The following VPS13A variants were observed in gnomAD, a reference collection of about 807,000 sequenced individuals.
VPS13A encodes the protein vacuolar protein sorting 13 homolog A, also known as intermembrane lipid transfer protein VPS13A.
A neutral mutation model predicts 390.9 loss-of-function variants in VPS13A; 264 were observed. The ratio of observed to expected loss-of-function variants is 0.68; its 90% CI spans 0.61 to 0.75. VPS13A has a LOEUF of 0.75. Ranked by LOEUF, VPS13A falls within the 30% of genes least tolerant of loss-of-function variation. The pLI is 0.00. For synonymous variants in VPS13A, 1,231 were observed against 1,227.1 expected (o/e 1.00, Z -0.07); for missense variants, 3,409 against 3,733.9 (o/e 0.91, Z 2.27).
chr9:77,342,969 G>A (rs570992275), intron 50 of VPS13A, among the ~76,000 whole-genome samples: 1 of 152,254 alleles, frequency 6.6e-6, no homozygotes, highest in East Asian at 1.9e-4. Flanking sequence ...CAAAGCGGAG[G>A]AGCTAGGAAT....
intron 31 of VPS13A, among the ~76,000 whole-genome samples, chr9:77,292,763 T>C (rs1827753877): frequency 6.6e-6 from 1 of 152,208 alleles, no homozygotes; most frequent in African/African-American, 2.4e-5. Context: ...CATCTCCTGT[T>C]GTCGCCACCA....
chr9:77,185,933 C>G (rs1364696362), intron 1 of VPS13A, among the ~76,000 whole-genome samples: 2 of 152,108 alleles, frequency 1.3e-5, no homozygotes, highest in Non-Finnish European at 2.9e-5. Flanking sequence ...ACGAGACCTG[C>G]CTGGTCAACA....
At chr9:77,293,647 C>T in intron 32 of VPS13A, 139 bp downstream of exon 32, 5 of 422,538 alleles carry the variant, frequency 1.2e-5, no homozygotes, top group Non-Finnish European at 2.0e-5. Context: ...ATTTATTATA[C>T]ATAATAAATG....
intron 52 of VPS13A, among the ~76,000 whole-genome samples, chr9:77,346,415 T>G (rs999262658): frequency 6.6e-6 from 1 of 152,198 alleles, no homozygotes; most frequent in Non-Finnish European, 1.5e-5. Context: ...CCTTACAGAT[T>G]CTGGATATTA....
At chr9:77,252,120 C>T in intron 21 of VPS13A, 115 bp from the exon 22 acceptor site, 1 of 840,226 alleles carries the variant, frequency 1.2e-6, no homozygotes. Context: ...TTAAGATTAC[C>T]TAGATGTGGG....
At chr9:77,209,282 T>C (rs1417380008) in intron 5 of VPS13A, 141 bp from the exon 6 acceptor site, 5 of 639,188 alleles carry the variant, frequency 7.8e-6, no homozygotes, top group Non-Finnish European at 1.4e-5. Context: ...TGAAAGACTT[T>C]TGGAAAGCAA....
rs575288835 is a variant in VPS13A at position 77,205,911 on chromosome 9, A to AT, written c.284-60dup. On this transcript the variant is annotated intron_variant, in intron 4 of 71. Coordinates refer to ENST00000360280, the MANE Select transcript of VPS13A (RefSeq NM_033305.3). ...GGCCAATTAATGATTATTTGTAAGG[A>AT]TTTTTTTGGAATGACTATATTTAAA... is the stretch of plus-strand genomic sequence containing the variant. The AT allele has an allele frequency of 2.1e-4, 264 of 1,249,838 alleles. 1 individual carries two copies. The East Asian group carries it at 6.1e-3, about 29-fold the overall frequency. 77.4% of individuals were successfully genotyped at this position (1,249,838 alleles called of 1,614,324 possible). A position where few individuals can be genotyped will look rare whatever the true frequency, so the allele number is the denominator to read the frequency against.
At chr9:77,224,766 G>A (rs1450308321) in intron 13 of VPS13A, among the ~76,000 whole-genome samples, 1 of 152,222 alleles carries the variant, frequency 6.6e-6, no homozygotes, top group African/African-American at 2.4e-5. Context: ...ACTGCTGTTT[G>A]AGAGGATTGA....
intron 45 of VPS13A, among the ~76,000 whole-genome samples, chr9:77,324,026 A>G (rs1051563805): frequency 1.3e-5 from 2 of 151,782 alleles, no homozygotes; most frequent in Non-Finnish European, 2.9e-5. Flanking sequence ...GGTCCTTCTC[A>G]TTTTTATATA....
intron 19 of VPS13A, among the ~76,000 whole-genome samples, chr9:77,240,706 G>A (rs1056316370): frequency 6.6e-6 from 1 of 151,308 alleles, no homozygotes; most frequent in Admixed American, 6.6e-5. Flanking sequence ...TCGAACTTCT[G>A]TCCTCAGGTG....
In VPS13A at chr9:77,228,163, T is replaced by C; in HGVS notation, c.1494T>C (p.Ser498=). Residue 498 remains serine, a synonymous_variant, in exon 17 of 72, where the codon TCT becomes TCC. Coordinates refer to ENST00000360280, the MANE Select transcript of VPS13A (RefSeq NM_033305.3). ...TTTTTGTCCACTTGAAAAGTATGTC[T>C]ATTGTTCTAAGAGAAAATCATCAAA... ...LKFFVHLKSM[S]IVLRENHQKP... 6.2e-7 allele frequency: 1 copy of C among 1,604,748 alleles called. No individual in the cohort carries two copies. The highest frequency in any genetic ancestry group is 8.5e-7 in the Non-Finnish European group (1 of 1,175,380).
chr9:77,340,492 A>G lies in VPS13A; in HGVS notation c.6968A>G (p.Tyr2323Cys). Residue 2323 changes from tyrosine to cysteine, a missense_variant, in exon 50 of 72, where the codon TAC (tyrosine) becomes TGC (cysteine). Tyr to Cys is a radical substitution (Grantham distance 194). This residue lies in a region of VPS13A where 2,717 missense variants were observed against 2,917.4 expected (regional missense o/e 0.93). Transcript: ENST00000360280. The stretch of plus-strand genomic sequence containing the variant: ...TATATGATTAAAAACAAAAGCAAAT[A>G]CCATATATCAGTGGCTGAAGAAGGA... Reference protein sequence around the residue: ...PFYMIKNKSKYHISVAEEGND... With the variant: ...PFYMIKNKSKCHISVAEEGND... 6.2e-7 allele frequency: 1 copy of G among 1,613,416 alleles called. No individual in the cohort carries two copies. The highest frequency in any genetic ancestry group is 1.1e-5 in the South Asian group (1 of 91,056).
At chr9:77,305,289 G>C (rs890927578) in intron 34 of VPS13A, among the ~76,000 whole-genome samples, 1 of 152,100 alleles carries the variant, frequency 6.6e-6, no homozygotes, top group Non-Finnish European at 1.5e-5. Context: ...AAACATGATG[G>C]CATTATGAAA....
chr9:77,385,109 A>G (rs1238141234), intron 68 of VPS13A: 1 of 981,492 alleles, frequency 1.0e-6, no homozygotes. Context: ...AAATAGTAAT[A>G]GCCATTTAAT....
intron 45 of VPS13A, among the ~76,000 whole-genome samples, chr9:77,330,643 A>C (rs1418483540): frequency 6.6e-6 from 1 of 152,210 alleles, no homozygotes; most frequent in Non-Finnish European, 1.5e-5. Context: ...GAAAACTTGC[A>C]GTTAATGTCT....
chr9:77,366,643 T>A (rs756595000), intron 60 of VPS13A, 84 bp from the exon 61 acceptor site: 1 of 1,252,562 alleles, frequency 8.0e-7, no homozygotes, highest in Non-Finnish European at 1.1e-6. Context: ...GTGTAGTGAA[T>A]TTAAAATTAA....
intron 54 of VPS13A, 73 bp downstream of exon 54, chr9:77,353,714 C>T: frequency 7.3e-7 from 1 of 1,373,490 alleles, no homozygotes; most frequent in Non-Finnish European, 1.0e-6. Flanking sequence ...ATTGTAAAAT[C>T]TCAAATGATT....
intron 68 of VPS13A, chr9:77,384,490 C>T (rs1444360254): frequency 2.6e-6 from 4 of 1,553,160 alleles, no homozygotes; most frequent in African/African-American, 2.7e-5. Flanking sequence ...AAATTATTCT[C>T]ACTCTTTGAA....
At position 77,382,313 on chromosome 9, in the gene VPS13A, G is replaced by T; in HGVS notation, c.9189+226G>T. On this transcript the variant is annotated intron_variant, in intron 68 of 71. Coordinates refer to ENST00000360280, the MANE Select transcript of VPS13A (RefSeq NM_033305.3). ...AGTTTGATATGAAAAGTTAATGCAT[G>T]ACTTTGCAAGTGAAAGCCAACAGTA... The T allele has an allele frequency of 1.9e-6, 3 of 1,541,116 alleles. No individual in the cohort carries two copies. The South Asian group carries it at 3.9e-5, about 20-fold the overall frequency.
Sources: allele counts gnomAD v4.1 joint callset (sites outside exome capture counted in the v4.1 genomes callset), GRCh38; gene constraint gnomAD v4.1.1; regional missense constraint gnomAD v4.1.1; transcripts MANE v1.5; gene names NCBI Gene and HGNC (gene_info 2026-07-23, HGNC 2026-07-21).